SLC22A3: variants seen among roughly 807,000 people sequenced by gnomAD.
SLC22A3 encodes the protein solute carrier family 22 member 3, also known as EMT organic cation transporter 3.
SLC22A3 carries 51 observed loss-of-function variants against 59.1 expected under a neutral mutation model. The observed-to-expected ratio is 0.86, with a 90% CI of 0.69 to 1.09. The LOEUF (loss-of-function observed/expected upper bound fraction) is 1.09, where lower values mean the gene tolerates loss of function less well. Among genes scored for constraint, SLC22A3 ranks in the 50% least tolerant of loss-of-function variants. The pLI, the probability that SLC22A3 is intolerant of heterozygous loss-of-function variation, is 0.00. For missense variants in SLC22A3, 711 were observed against 726.3 expected, an observed-to-expected ratio of 0.98 and a Z score of 0.24; for synonymous variants, 325 against 292.0, an observed-to-expected ratio of 1.11 and a Z score of -1.15.
At chr6:160,375,006 A>G (rs963888179) in intron 1 of SLC22A3, among the ~76,000 whole-genome samples, 19 of 152,196 alleles carry the variant, frequency 1.2e-4, no homozygotes, top group African/African-American at 4.6e-4. Context: ...CAACTCGCAT[A>G]GAAGGCTGAC....
intron 9 of SLC22A3, among the ~76,000 whole-genome samples, chr6:160,445,485 C>A (rs1788705582): frequency 6.6e-6 from 1 of 152,150 alleles, no homozygotes; most frequent in Non-Finnish European, 1.5e-5. Context: ...ACAGAGCTGG[C>A]CTTGCATTGT....
chr6:160,354,187 G>C (rs987586280), intron 1 of SLC22A3, among the ~76,000 whole-genome samples: 2 of 152,184 alleles, frequency 1.3e-5, no homozygotes, highest in Admixed American at 6.5e-5. Flanking sequence ...TCTTAGTAGA[G>C]TGGAAAGAAT....
chr6:160,366,010 C>G (rs1381696187), intron 1 of SLC22A3, among the ~76,000 whole-genome samples: 1 of 152,138 alleles, frequency 6.6e-6, no homozygotes, highest in African/African-American at 2.4e-5. Context: ...TACCTCCCAC[C>G]AGGTTCCCCC....
At chr6:160,374,934 A>G (rs1785534739) in intron 1 of SLC22A3, among the ~76,000 whole-genome samples, 1 of 152,232 alleles carries the variant, frequency 6.6e-6, no homozygotes, top group South Asian at 2.1e-4. Flanking sequence ...AGGCTGGGGT[A>G]TCTCTGCTGC....
At chr6:160,363,908 C>T (rs1254761131) in intron 1 of SLC22A3, among the ~76,000 whole-genome samples, 2 of 151,864 alleles carry the variant, frequency 1.3e-5, no homozygotes, top group African/African-American at 2.4e-5. Context: ...GCTGTCCCCA[C>T]TTGCTGGGAG....
intron 1 of SLC22A3, among the ~76,000 whole-genome samples, chr6:160,381,296 A>C (rs1309038683): frequency 6.6e-6 from 1 of 152,354 alleles, no homozygotes; most frequent in East Asian, 1.9e-4. Flanking sequence ...AACACTTTTC[A>C]AAAGCATATC....
At chr6:160,365,995 A>G (rs1173286194) in intron 1 of SLC22A3, among the ~76,000 whole-genome samples, 4 of 152,200 alleles carry the variant, frequency 2.6e-5, no homozygotes, top group African/African-American at 9.7e-5. Context: ...CCCCTGTGAC[A>G]CAATTACCTC....
chr6:160,364,502 T>C (rs1038834681), intron 1 of SLC22A3, among the ~76,000 whole-genome samples: 3 of 152,212 alleles, frequency 2.0e-5, no homozygotes, highest in African/African-American at 4.8e-5. Context: ...AAGTCAAAGA[T>C]GCAGAAATTA....
At chr6:160,448,448 AGAT>A (rs1402667928) in intron 10 of SLC22A3, among the ~76,000 whole-genome samples, 1 of 152,146 alleles carries the variant, frequency 6.6e-6, no homozygotes, top group African/African-American at 2.4e-5. Flanking sequence ...AATAGATGAT[AGAT>A]GATAGATAGA....
intron 1 of SLC22A3, among the ~76,000 whole-genome samples, chr6:160,352,348 C>T (rs561726824): frequency 6.6e-6 from 1 of 152,300 alleles, no homozygotes; most frequent in South Asian, 2.1e-4. Flanking sequence ...TTTCTAATGT[C>T]CGAATCTCGG....
chr6:160,348,383 G>A lies in SLC22A3; in HGVS notation c.-37G>A, dbSNP rs548661161. On this transcript the variant is annotated 5_prime_UTR_variant, in exon 1 of 11. Transcript: ENST00000275300. ...GCCGGCTGGGTCCGCGGGTCACTCC[G>A]AGGCGCGGGCTGCGGGCGGCGGGCG... The A allele has an allele frequency of 2.9e-5, 42 of 1,423,942 alleles. No homozygotes were observed. In the Admixed American group the frequency reaches 4.8e-4, roughly 16 times the overall value. The allele number at this position is 1,423,942 out of a possible 1,614,324, so 88.2% of individuals were successfully genotyped here.
At chr6:160,365,596 AT>A (rs147366718) in intron 1 of SLC22A3, among the ~76,000 whole-genome samples, 1,887 of 152,246 alleles carry the variant, frequency 0.012, 33 homozygotes, top group Middle Eastern at 0.058. Context: ...TTAGCTAGTG[AT>A]TTTTTTCATT....
intron 1 of SLC22A3, among the ~76,000 whole-genome samples, chr6:160,351,795 T>A (rs939399720): frequency 6.6e-6 from 1 of 152,144 alleles, no homozygotes; most frequent in Non-Finnish European, 1.5e-5. Context: ...GGGAGGGGTA[T>A]CATTGTCCTG....
intron 2 of SLC22A3, among the ~76,000 whole-genome samples, chr6:160,404,441 G>C (rs1786920951): frequency 6.6e-6 from 1 of 152,082 alleles, no homozygotes; most frequent in Non-Finnish European, 1.5e-5. Context: ...AGAAATTAGA[G>C]ATGATCTAAA....
intron 1 of SLC22A3, among the ~76,000 whole-genome samples, chr6:160,356,822 A>G (rs1784856084): frequency 6.6e-6 from 1 of 152,172 alleles, no homozygotes; most frequent in African/African-American, 2.4e-5. Flanking sequence ...TTGTCAAATC[A>G]TGGCTAATAC....
chr6:160,378,202 C>G (rs1267866542), intron 1 of SLC22A3, among the ~76,000 whole-genome samples: 1 of 152,106 alleles, frequency 6.6e-6, no homozygotes, highest in East Asian at 1.9e-4. Flanking sequence ...ATATAGCTTT[C>G]TAATATTTGT....
chr6:160,428,191 T>A (rs1788034167), intron 5 of SLC22A3, among the ~76,000 whole-genome samples: 1 of 150,250 alleles, frequency 6.7e-6, no homozygotes, highest in Non-Finnish European at 1.5e-5. Flanking sequence ...TCCGTTCACC[T>A]TTGCCAATAC....
intron 5 of SLC22A3, among the ~76,000 whole-genome samples, chr6:160,424,927 ACTTCT>A (rs1357170395): frequency 6.6e-6 from 1 of 152,224 alleles, no homozygotes; most frequent in Non-Finnish European, 1.5e-5. Context: ...AGGCTTACAC[ACTTCT>A]CTTTGAGATC....
At position 160,348,689 on chromosome 6, in the gene SLC22A3, C is replaced by A; in HGVS notation, c.270C>A (p.Cys90Ter). 4.0e-6 allele frequency: 6 copies of A among 1,508,914 alleles called. No individual in the cohort carries two copies. Among genetic ancestry groups the A allele is most frequent in the Non-Finnish European group, 5.3e-6 (6 of 1,136,800 alleles). The allele number at this position is 1,508,914 out of a possible 1,614,324, so 93.5% of individuals were successfully genotyped here. A position where few individuals can be genotyped will look rare whatever the true frequency, so the allele number is the denominator to read the frequency against. ...GPEPPERRGRCQRYLLEAAND... is the reference protein window; with the variant it reads ...GPEPPERRGR ...AGCCCCCCGAGCGCCGCGGCCGCTG[C>A]CAGCGCTACCTCCTGGAGGCGGCCA... is the stretch of plus-strand genomic sequence containing the variant. The change falls in exon 1 of 11, where the codon TGC (cysteine) becomes TGA (stop). Residue 90 changes from cysteine to a stop codon, truncating the protein, a stop_gained. Coordinates refer to ENST00000275300, the MANE Select transcript of SLC22A3 (RefSeq NM_021977.4). LOFTEE classifies it high-confidence loss of function.
Sources: gnomAD v4.1 joint callset for allele counts (sites outside exome capture counted in the v4.1 genomes callset) on GRCh38, gnomAD v4.1.1 for gene constraint, MANE v1.5 for transcripts, NCBI Gene and HGNC (gene_info 2026-07-23, HGNC 2026-07-21) for gene names.